Variants in TNS3 observed in about 807,000 individuals in gnomAD.
TNS3 encodes the protein tensin 3.
Under a neutral mutation model 140.9 loss-of-function variants are expected in TNS3, and 45 were observed. That is an observed-to-expected ratio of 0.32 (90% CI 0.25 to 0.41). The LOEUF is 0.41. TNS3 is among the 10% of genes least tolerant of loss of function. TNS3 has a pLI of 1.00. For missense variants in TNS3, 1,716 were observed against 1,906.7 expected, an observed-to-expected ratio of 0.90 and a Z score of 1.86; for synonymous variants, 815 against 788.4, an observed-to-expected ratio of 1.03 and a Z score of -0.56.
rs192349073 is a variant in TNS3, at chr7:47,474,704, C to T, written c.-76+6399G>A. ...AACACCTCACACATAATACACACAA[C>T]ACACACAGCACAGACATGTACACAC... On this transcript the variant is annotated intron_variant, in intron 4 of 30. Transcript: ENST00000311160. Among the ~76,000 whole-genome samples, 10 of 146,044 alleles carry T rather than the reference C, an allele frequency of 6.8e-5. No individual in the cohort carries two copies. The East Asian group carries it at 1.9e-3, about 27-fold the overall frequency.
At chr7:47,523,136 T>C (rs1049425279) in intron 2 of TNS3, among the ~76,000 whole-genome samples, 5 of 152,124 alleles carry the variant, frequency 3.3e-5, no homozygotes, top group Non-Finnish European at 7.4e-5. Flanking sequence ...ACCCACTTCC[T>C]GGTTCATAGA....
At chr7:47,543,282 C>T (rs1721590310) in intron 1 of TNS3, among the ~76,000 whole-genome samples, 2 of 152,260 alleles carry the variant, frequency 1.3e-5, no homozygotes, top group African/African-American at 4.8e-5. Flanking sequence ...AGTGTTCAGG[C>T]ACACTTGCAT....
intron 4 of TNS3, among the ~76,000 whole-genome samples, chr7:47,451,984 C>T (rs1222651102): frequency 6.6e-6 from 1 of 152,132 alleles, no homozygotes; most frequent in African/African-American, 2.4e-5. Context: ...ATTTACTTGC[C>T]CTCTGTGTGA....
At position 47,283,295 on chromosome 7, in the gene TNS3, T is replaced by C. The variant is rs115081177; in HGVS notation, c.4097+402A>G. On this transcript the variant is annotated intron_variant, in intron 28 of 30. Transcript: ENST00000311160. ...ACGGAAATAGTACATATCAAGGTCATACGCTCACCTGAAAGGAAATGACCC... is the reference window on the plus strand; with the variant it reads ...ACGGAAATAGTACATATCAAGGTCACACGCTCACCTGAAAGGAAATGACCC... Among the ~76,000 whole-genome samples, 1,142 of 152,312 alleles carry C rather than the reference T, an allele frequency of 7.5e-3. 9 individuals carry two copies. Among genetic ancestry groups the C allele is most frequent in the African/African-American group, 0.026 (1,095 of 41,572 alleles).
chr7:47,299,344 T>G (rs746455197), intron 23 of TNS3, among the ~76,000 whole-genome samples: 1 of 151,904 alleles, frequency 6.6e-6, no homozygotes, highest in African/African-American at 2.4e-5. Flanking sequence ...CTCACTATGT[T>G]GCCCAGGCTG....
intron 27 of TNS3, among the ~76,000 whole-genome samples, chr7:47,290,823 G>A (rs755989268): frequency 1.1e-4 from 16 of 152,306 alleles, no homozygotes; most frequent in African/African-American, 3.1e-4. Context: ...CCAGGAATGC[G>A]CTCCTTGGTA....
chr7:47,327,072 G>A (rs1192231443), intron 20 of TNS3, among the ~76,000 whole-genome samples: 1 of 152,212 alleles, frequency 6.6e-6, no homozygotes, highest in African/African-American at 2.4e-5. Flanking sequence ...AGATGCCCAG[G>A]AGGCCCACCC....
rs149542441 is a variant in TNS3 at position 47,479,641 on chromosome 7, C to T, written c.-76+1462G>A. Among the ~76,000 whole-genome samples, 20 of 152,310 alleles carry T rather than the reference C, an allele frequency of 1.3e-4. No individual in the cohort carries two copies. In the East Asian group the frequency reaches 3.7e-3, roughly 28 times the overall value. On this transcript the variant is annotated intron_variant, in intron 4 of 30. Coordinates refer to ENST00000311160, the MANE Select transcript of TNS3 (RefSeq NM_022748.12). Reference sequence around the variant, plus strand: ...CTGCAACATGTTTCTCATAGTTTGTCAATATTTTAGGTTTCTGGGTGAGAT... The same window carrying T: ...CTGCAACATGTTTCTCATAGTTTGTTAATATTTTAGGTTTCTGGGTGAGAT...
At chr7:47,311,966 C>G (rs1425626855) in intron 20 of TNS3, among the ~76,000 whole-genome samples, 4 of 152,224 alleles carry the variant, frequency 2.6e-5, no homozygotes, top group Non-Finnish European at 4.4e-5. Flanking sequence ...AATTTCCGCA[C>G]TAATGTTTTC....
At chr7:47,369,657 AG>A in intron 16 of TNS3, 36 bp from the exon 17 acceptor site, 5 of 1,521,268 alleles carry the variant, frequency 3.3e-6, no homozygotes, top group Non-Finnish European at 4.4e-6. Context: ...GCTTTCAGTC[AG>A]GGATGAAAGT....
At chr7:47,345,521 T>G (rs990950801) in intron 18 of TNS3, among the ~76,000 whole-genome samples, 5 of 152,144 alleles carry the variant, frequency 3.3e-5, no homozygotes, top group Non-Finnish European at 7.4e-5. Context: ...TATGAATAGC[T>G]TTTTTTTCTT....
intron 23 of TNS3, among the ~76,000 whole-genome samples, chr7:47,297,815 T>G (rs1584340971): frequency 2.1e-5 from 3 of 140,740 alleles, no homozygotes; most frequent in African/African-American, 2.7e-5. Flanking sequence ...TGAGATGGAG[T>G]CTCGCTCTGT....
intron 3 of TNS3, among the ~76,000 whole-genome samples, chr7:47,487,525 T>C (rs1021762750): frequency 7.9e-5 from 12 of 151,962 alleles, no homozygotes; most frequent in Admixed American, 7.9e-4. Context: ...AGCTCAACAA[T>C]ACCAACCCAC....
At chr7:47,440,782 GCAC>G (rs1323090003) in intron 5 of TNS3, among the ~76,000 whole-genome samples, 1 of 152,226 alleles carries the variant, frequency 6.6e-6, no homozygotes, top group Non-Finnish European at 1.5e-5. Flanking sequence ...AGGCATGGGT[GCAC>G]GGGACGTGTC....
intron 16 of TNS3, among the ~76,000 whole-genome samples, chr7:47,389,600 G>A (rs1376711137): frequency 8.1e-5 from 1 of 12,408 alleles, no homozygotes. Flanking sequence ...TGCCCCCAAT[G>A]CCACCCTCCT....
chr7:47,396,861 G>A lies in TNS3; in HGVS notation c.963C>T (p.Tyr321=), dbSNP rs769778057. 2.5e-6 allele frequency: 4 copies of A among 1,614,074 alleles called. No homozygotes were observed. The highest frequency in any genetic ancestry group is 2.7e-5 in the African/African-American group (2 of 74,918). The part of the protein sequence containing the change: ...LYNDHGVIVD[Y]NTTDPLIRWD... The stretch of plus-strand genomic sequence containing the variant: ...AGCGTATCAGTGGGTCTGTTGTGTT[G>A]TAGTCCACAATCACACCGTGGTCGT... Residue 321 remains tyrosine (Y), a synonymous_variant, in exon 16 of 31, where the codon TAC becomes TAT. Coordinates refer to ENST00000311160, the MANE Select transcript of TNS3 (RefSeq NM_022748.12).
At chr7:47,449,463 A>C (rs1321176576) in intron 4 of TNS3, among the ~76,000 whole-genome samples, 2 of 152,128 alleles carry the variant, frequency 1.3e-5, no homozygotes, top group Admixed American at 6.5e-5. Context: ...AATGCTCCTC[A>C]TTCATGTATC....
chr7:47,444,153 A>AT (rs1795606196), intron 4 of TNS3, among the ~76,000 whole-genome samples: 1 of 152,224 alleles, frequency 6.6e-6, no homozygotes, highest in Admixed American at 6.5e-5. Context: ...TTAATTCAAA[A>AT]AAGTATTCAA....
At chr7:47,341,109 G>T (rs1384110047) in intron 20 of TNS3, among the ~76,000 whole-genome samples, 1 of 152,146 alleles carries the variant, frequency 6.6e-6, no homozygotes, top group Non-Finnish European at 1.5e-5. Flanking sequence ...GCTACAGTGT[G>T]TCAATCTTTT....
Sources: gnomAD v4.1 joint callset for allele counts (sites outside exome capture counted in the v4.1 genomes callset) on GRCh38, gnomAD v4.1.1 for gene constraint, MANE v1.5 for transcripts, NCBI Gene and HGNC (gene_info 2026-07-23, HGNC 2026-07-21) for gene names.